The following CHD2 variants were observed in gnomAD, a reference collection of about 807,000 sequenced individuals.
The protein encoded by CHD2 is chromodomain helicase DNA binding protein 2, also known as ATP-dependent chromatin remodeler CHD2.
In CHD2, 28 loss-of-function variants were observed where a neutral mutation model predicts 243.9. The observed-to-expected ratio is 0.11, with a 90% CI of 0.09 to 0.16. The LOEUF is 0.16. CHD2 is among the 10% of genes least tolerant of loss of function. CHD2 has a pLI of 1.00. For missense variants in CHD2, 1,386 were observed against 2,209.8 expected, an observed-to-expected ratio of 0.63 and a Z score of 7.47; for synonymous variants, 775 against 779.0, an observed-to-expected ratio of 0.99 and a Z score of 0.09.
At chr15:92,996,893 T>C (rs1250182406) in intron 28 of CHD2, 64 bp from the exon 29 acceptor site, 9 of 1,519,168 alleles carry the variant, frequency 5.9e-6, no homozygotes, top group Non-Finnish European at 8.0e-6. Context: ...GGTTCGTTGA[T>C]ACATGTTTTC....
At chr15:93,004,491 C>G (rs1295180447) in intron 33 of CHD2, 126 bp from the exon 34 acceptor site, 1 of 914,286 alleles carries the variant, frequency 1.1e-6, no homozygotes, top group Non-Finnish European at 1.6e-6. Flanking sequence ...TTTTATTTTA[C>G]TTTTTAAAAA....
chr15:92,988,024 C>T (rs1456106091), intron 26 of CHD2, among the ~76,000 whole-genome samples: 3 of 152,004 alleles, frequency 2.0e-5, no homozygotes, highest in East Asian at 1.9e-4. Context: ...TACATCTTTA[C>T]ACATTTTAAA....
intron 5 of CHD2, among the ~76,000 whole-genome samples, chr15:92,934,607 C>T (rs765737607): frequency 2.6e-5 from 4 of 152,144 alleles, no homozygotes; most frequent in Non-Finnish European, 5.9e-5. Flanking sequence ...TAGGAGAGGA[C>T]AGCAGTTTCA....
intron 5 of CHD2, among the ~76,000 whole-genome samples, chr15:92,937,140 G>A (rs2053280126): frequency 6.6e-6 from 1 of 152,150 alleles, no homozygotes; most frequent in African/African-American, 2.4e-5. Flanking sequence ...TGAGATTACA[G>A]GCATGGACCA....
At chr15:92,988,383 G>A (rs1446850925) in intron 26 of CHD2, among the ~76,000 whole-genome samples, 1 of 152,106 alleles carries the variant, frequency 6.6e-6, no homozygotes, top group Non-Finnish European at 1.5e-5. Context: ...CCCACACCCA[G>A]CCTAGTTAGT....
chr15:92,988,129 C>T (rs1244311659), intron 26 of CHD2, among the ~76,000 whole-genome samples: 2 of 151,350 alleles, frequency 1.3e-5, no homozygotes, highest in African/African-American at 2.4e-5. Flanking sequence ...CTCACCAAGG[C>T]TGGGGTACAG....
intron 5 of CHD2, among the ~76,000 whole-genome samples, chr15:92,932,330 A>G (rs1385327243): frequency 1.4e-5 from 2 of 147,094 alleles, no homozygotes; most frequent in African/African-American, 5.0e-5. Flanking sequence ...TCTAGGGTGT[A>G]TGTGCACAAT....
intron 5 of CHD2, among the ~76,000 whole-genome samples, chr15:92,936,586 A>T (rs2053271066): frequency 6.6e-6 from 1 of 152,222 alleles, no homozygotes; most frequent in Admixed American, 6.5e-5. Context: ...GCAAAGGAAC[A>T]TCTACTGTAT....
chr15:92,930,279 G>A (rs955080808), intron 5 of CHD2, among the ~76,000 whole-genome samples: 3 of 152,052 alleles, frequency 2.0e-5, no homozygotes, highest in Non-Finnish European at 4.4e-5. Context: ...CATTCCTTTG[G>A]TCTCTTGACT....
At chr15:93,013,704 G>A (rs2054420814) in intron 36 of CHD2, among the ~76,000 whole-genome samples, 1 of 152,118 alleles carries the variant, frequency 6.6e-6, no homozygotes, top group Admixed American at 6.5e-5. Flanking sequence ...GGAGGCTGAG[G>A]CGGGTGGATC....
intron 2 of CHD2, among the ~76,000 whole-genome samples, chr15:92,906,263 C>T (rs1000621636): frequency 6.6e-6 from 1 of 152,100 alleles, no homozygotes; most frequent in Admixed American, 6.5e-5. Context: ...TTCTCTCTCT[C>T]TCTCTGTATC....
rs2054593099 is a variant in CHD2 at position 93,027,161 on chromosome 15, T to C, written c.*2456T>C. The C allele has an allele frequency of 6.6e-6, 1 of 152,616 alleles. No homozygotes were observed. Among genetic ancestry groups the C allele is most frequent in the Non-Finnish European group, 1.5e-5 (1 of 68,034 alleles). The allele number at this position is 152,616 out of a possible 1,614,324, so 9.5% of individuals were successfully genotyped here. On this transcript the variant is annotated 3_prime_UTR_variant, in exon 39 of 39. Coordinates refer to ENST00000394196, the MANE Select transcript of CHD2 (RefSeq NM_001271.4). ...GTGCTGGGAAAAAGGAAGCATTTCT[T>C]CATTGATTTAAATCAGTATGAATAT...
chr15:93,005,712 C>CT (rs928456681), intron 34 of CHD2, among the ~76,000 whole-genome samples: 12 of 152,218 alleles, frequency 7.9e-5, no homozygotes, highest in African/African-American at 2.2e-4. Flanking sequence ...TCTTAAGTCT[C>CT]TTTTTTGCCT....
intron 5 of CHD2, 125 bp downstream of exon 5, chr15:92,929,216 A>G: frequency 1.2e-6 from 1 of 823,240 alleles, no homozygotes; most frequent in Non-Finnish European, 1.9e-6. Context: ...CTCTCTTACT[A>G]GCTCGGGTGA....
intron 31 of CHD2, among the ~76,000 whole-genome samples, chr15:92,999,083 CAAAAAAAAAAAAAAAAAAA>C (rs55738843): frequency 2.0e-4 from 13 of 65,528 alleles, no homozygotes; most frequent in African/African-American, 6.0e-4. Context: ...GACTCCGTCT[CAAAAAAAAAAAAAAAAAAA>C]AAAAAAAAAA....
chr15:92,908,996 G>A (rs1231205945), intron 2 of CHD2, among the ~76,000 whole-genome samples: 2 of 151,934 alleles, frequency 1.3e-5, no homozygotes, highest in Non-Finnish European at 2.9e-5. Context: ...GTGGGTGCCT[G>A]TAGTCCCAGC....
chr15:92,920,034 G>A (rs1180155560), intron 2 of CHD2, among the ~76,000 whole-genome samples: 2 of 152,138 alleles, frequency 1.3e-5, no homozygotes, highest in Non-Finnish European at 2.9e-5. Context: ...AGTAATCCAT[G>A]GAACTCACAA....
chr15:92,973,525 C>G (rs977488393), intron 19 of CHD2, among the ~76,000 whole-genome samples: 2 of 152,128 alleles, frequency 1.3e-5, no homozygotes, highest in African/African-American at 4.8e-5. Flanking sequence ...TAAGAAGGCC[C>G]ACCTTTGAGA....
intron 34 of CHD2, among the ~76,000 whole-genome samples, chr15:93,005,294 G>C (rs1279626074): frequency 1.3e-5 from 2 of 152,112 alleles, no homozygotes; most frequent in Non-Finnish European, 2.9e-5. Flanking sequence ...TTTGAGTTGG[G>C]TTCTGAAGGA....
Sources: gnomAD v4.1 joint callset for allele counts (sites outside exome capture counted in the v4.1 genomes callset) on GRCh38, gnomAD v4.1.1 for gene constraint, MANE v1.5 for transcripts, NCBI Gene and HGNC (gene_info 2026-07-23, HGNC 2026-07-21) for gene names.